Variants in ADAM32 observed in about 807,000 individuals in gnomAD.
The protein encoded by ADAM32 is disintegrin and metalloproteinase domain-containing protein 32.
Under a neutral mutation model 114.9 loss-of-function variants are expected in ADAM32, and 89 were observed. That is an observed-to-expected ratio of 0.77 (90% CI 0.65 to 0.92). The LOEUF (loss-of-function observed/expected upper bound fraction) is 0.92. ADAM32 is among the 40% of genes least tolerant of loss of function. The pLI, the probability that ADAM32 is intolerant of heterozygous loss-of-function variation, is 0.00. For synonymous variants in ADAM32, 285 were observed against 307.5 expected, an observed-to-expected ratio of 0.93 and a Z score of 0.77; for missense variants, 870 against 932.8, an observed-to-expected ratio of 0.93 and a Z score of 0.88.
chr8:39,268,532 A>T (rs904656168), intron 19 of ADAM32, among the ~76,000 whole-genome samples: 10 of 152,186 alleles, frequency 6.6e-5, no homozygotes, highest in Non-Finnish European at 1.2e-4. Context: ...CAAACATGTT[A>T]TCTCAGTCTA....
chr8:39,135,437 T>C (rs1328656935), intron 2 of ADAM32, among the ~76,000 whole-genome samples: 1 of 152,222 alleles, frequency 6.6e-6, no homozygotes, highest in African/African-American at 2.4e-5. Context: ...GAAAAATTGC[T>C]AAAAGACTAC....
At position 39,164,769 on chromosome 8, in the gene ADAM32, T is replaced by G. The variant is rs375780370; in HGVS notation, c.600T>G (p.Asp200Glu). Residue 200 changes from aspartate to glutamate, a missense_variant, in exon 8 of 25, where the codon GAT (aspartate) becomes GAG (glutamate). Asp to Glu is a conservative substitution (Grantham distance 45). Coordinates refer to ENST00000379907, the MANE Select transcript of ADAM32 (RefSeq NM_145004.7). ...MHIVVDKTLY[D>E]YWGSDSMIVT... Reference sequence around the variant, plus strand: ...AAATTAATTCTGTTTTTCAGTATGATTACTGGGGCTCTGATAGCATGATAG... The same window carrying G: ...AAATTAATTCTGTTTTTCAGTATGAGTACTGGGGCTCTGATAGCATGATAG... The G allele has an allele frequency of 8.8e-6, 14 of 1,594,002 alleles. No individual in the cohort carries two copies. In the African/African-American group the frequency reaches 1.7e-4, roughly 20 times the overall value.
At chr8:39,276,118 T>G (rs1813056920) in intron 22 of ADAM32, 1 of 374,764 alleles carries the variant, frequency 2.7e-6, no homozygotes. Flanking sequence ...AAGGAAAACA[T>G]TTTTGGTGAA....
chr8:39,204,669 G>A (rs533328828), intron 11 of ADAM32, among the ~76,000 whole-genome samples: 10 of 152,300 alleles, frequency 6.6e-5, no homozygotes, highest in African/African-American at 1.9e-4. Context: ...CATTGCTGGC[G>A]AGGAGCTGTG....
At chr8:39,234,186 A>C in intron 16 of ADAM32, 104 bp downstream of exon 16, 1 of 887,764 alleles carries the variant, frequency 1.1e-6, no homozygotes. Context: ...AGGTAATCTT[A>C]AATGTTTGGA....
intron 19 of ADAM32, among the ~76,000 whole-genome samples, chr8:39,262,629 A>C (rs1812106506): frequency 3.4e-5 from 5 of 145,880 alleles, no homozygotes; most frequent in East Asian, 4.1e-4. Context: ...CCTTCCCTCC[A>C]TCCCTCCCTC....
intron 6 of ADAM32, among the ~76,000 whole-genome samples, chr8:39,157,137 C>A (rs1280637806): frequency 6.6e-6 from 1 of 152,122 alleles, no homozygotes; most frequent in African/African-American, 2.4e-5. Context: ...TCCCTGGTTT[C>A]TAATAAGAAA....
chr8:39,213,025 A>T (rs1217276792), intron 12 of ADAM32, among the ~76,000 whole-genome samples: 3 of 152,164 alleles, frequency 2.0e-5, no homozygotes, highest in African/African-American at 7.2e-5. Context: ...TTTTAAAAAC[A>T]ATTATTTTCA....
intron 22 of ADAM32, among the ~76,000 whole-genome samples, chr8:39,280,908 G>A (rs1306063943): frequency 1.3e-5 from 2 of 151,392 alleles, no homozygotes; most frequent in Admixed American, 6.6e-5. Context: ...TCAGTCTCCC[G>A]AGTAGCTGGG....
intron 16 of ADAM32, 76 bp downstream of exon 16, chr8:39,234,158 T>C (rs1809945768): frequency 1.9e-6 from 2 of 1,055,758 alleles, no homozygotes; most frequent in Admixed American, 4.0e-5. Flanking sequence ...TATCAAATTT[T>C]AATTTAGTGC....
At chr8:39,199,051 T>G (rs1807206421) in intron 11 of ADAM32, among the ~76,000 whole-genome samples, 1 of 152,240 alleles carries the variant, frequency 6.6e-6, no homozygotes, top group Non-Finnish European at 1.5e-5. Flanking sequence ...TCTCCTGGCC[T>G]ATAAGGTTTC....
chr8:39,224,375 AC>A (rs1203717557), intron 14 of ADAM32, among the ~76,000 whole-genome samples: 2 of 152,182 alleles, frequency 1.3e-5, no homozygotes, highest in African/African-American at 4.8e-5. Flanking sequence ...AGCTGTACCA[AC>A]TTATATTCCC....
intron 11 of ADAM32, among the ~76,000 whole-genome samples, chr8:39,191,236 T>C (rs1026376638): frequency 6.6e-6 from 1 of 152,212 alleles, no homozygotes; most frequent in Non-Finnish European, 1.5e-5. Flanking sequence ...GTCTTTATGA[T>C]AGAACGATTT....
chr8:39,198,304 T>C (rs1362546563), intron 11 of ADAM32, among the ~76,000 whole-genome samples: 1 of 152,340 alleles, frequency 6.6e-6, no homozygotes, highest in South Asian at 2.1e-4. Context: ...ACATTTGATA[T>C]TGTTATTAAT....
At chr8:39,160,841 A>T (rs548123592) in intron 6 of ADAM32, 56 bp from the exon 7 acceptor site, 2 of 1,429,196 alleles carry the variant, frequency 1.4e-6, no homozygotes, top group South Asian at 2.7e-5. Flanking sequence ...AGAAGAGTTC[A>T]AGTAAAAAAA....
intron 16 of ADAM32, among the ~76,000 whole-genome samples, chr8:39,241,124 T>A (rs1810523994): frequency 6.6e-6 from 1 of 152,092 alleles, no homozygotes; most frequent in Admixed American, 6.6e-5. Flanking sequence ...GGCAGTGAAA[T>A]CTTAAAGCTC....
intron 20 of ADAM32, 88 bp from the exon 21 acceptor site, chr8:39,274,224 C>G (rs1324103416): frequency 8.1e-7 from 1 of 1,236,410 alleles, no homozygotes; most frequent in Non-Finnish European, 1.2e-6. Context: ...AGAGATAATA[C>G]TAATTATAAA....
intron 19 of ADAM32, among the ~76,000 whole-genome samples, chr8:39,262,672 CCTCT>C (rs1812110759): frequency 6.6e-6 from 1 of 151,232 alleles, no homozygotes; most frequent in East Asian, 1.9e-4. Flanking sequence ...CCTCTTTCTC[CCTCT>C]CTCTCTTTCA....
At chr8:39,172,675 A>G (rs1318919361) in intron 10 of ADAM32, among the ~76,000 whole-genome samples, 1 of 152,178 alleles carries the variant, frequency 6.6e-6, no homozygotes, top group African/African-American at 2.4e-5. Flanking sequence ...GACTGCATAC[A>G]TAGTATTCCA....
Sources: gnomAD v4.1 joint callset for allele counts (sites outside exome capture counted in the v4.1 genomes callset) on GRCh38, gnomAD v4.1.1 for gene constraint, MANE v1.5 for transcripts, NCBI Gene and HGNC (gene_info 2026-07-23, HGNC 2026-07-21) for gene names.